Variants in KPNA6 observed in about 807,000 individuals in gnomAD.
KPNA6 encodes karyopherin subunit alpha 6, also known as importin subunit alpha-7.
KPNA6 carries 9 observed loss-of-function variants against 72.0 expected under a neutral mutation model. The ratio of observed to expected loss-of-function variants is 0.13; its 90% CI spans 0.08 to 0.22. KPNA6 has a LOEUF of 0.22. Ranked by LOEUF, KPNA6 falls within the 10% of genes least tolerant of loss-of-function variation. The pLI, the probability that KPNA6 is intolerant of heterozygous loss-of-function variation, is 1.00. For missense variants in KPNA6, 374 were observed against 655.7 expected (o/e 0.57, Z 4.69); for synonymous variants, 219 against 242.1 (o/e 0.90, Z 0.89).
At chr1:32,152,795 A>C (rs568856028) in intron 1 of KPNA6, among the ~76,000 whole-genome samples, 8 of 152,010 alleles carry the variant, frequency 5.3e-5, no homozygotes, top group African/African-American at 1.7e-4. Context: ...CAGTGAGCCG[A>C]GATGGCGCCA....
chr1:32,143,572 T>TA (rs1304994281), intron 1 of KPNA6, among the ~76,000 whole-genome samples: 2,510 of 104,090 alleles, frequency 0.024, 47 homozygotes, highest in African/African-American at 0.054. Flanking sequence ...GATTCTGTCT[T>TA]AAAAAAAAAA....
At chr1:32,121,240 TGGTA>T (rs1333939813) in intron 1 of KPNA6, among the ~76,000 whole-genome samples, 3 of 152,074 alleles carry the variant, frequency 2.0e-5, no homozygotes, top group African/African-American at 7.2e-5. Flanking sequence ...GAGATGGTAA[TGGTA>T]GGGAATAAGA....
intron 1 of KPNA6, among the ~76,000 whole-genome samples, chr1:32,128,156 A>G (rs182073911): frequency 3.7e-4 from 56 of 151,830 alleles, no homozygotes; most frequent in Admixed American, 2.6e-3. Flanking sequence ...TTCTATTTCA[A>G]ATGAGATCGC....
intron 2 of KPNA6, among the ~76,000 whole-genome samples, chr1:32,155,327 T>C (rs1158412324): frequency 1.5e-5 from 2 of 136,542 alleles, no homozygotes. Flanking sequence ...TTTTTTTTTC[T>C]TTTTTTTTTT....
intron 1 of KPNA6, among the ~76,000 whole-genome samples, chr1:32,136,341 T>G (rs898447983): frequency 1.3e-5 from 2 of 152,056 alleles, no homozygotes; most frequent in South Asian, 4.1e-4. Flanking sequence ...TGGCTAATTT[T>G]TTTTGTATTT....
At chr1:32,162,093 T>C in intron 8 of KPNA6, 47 bp downstream of exon 8, 1 of 1,464,646 alleles carries the variant, frequency 6.8e-7, no homozygotes, top group Non-Finnish European at 9.5e-7. Flanking sequence ...GGTTCCTTCA[T>C]ATGGAGTTTT....
At chr1:32,142,254 TCA>T (rs1491551701) in intron 1 of KPNA6, among the ~76,000 whole-genome samples, 17 of 53,312 alleles carry the variant, frequency 3.2e-4, no homozygotes, top group South Asian at 1.8e-3. Context: ...AGACCCTGTC[TCA>T]AAAAAAAAAA....
At chr1:32,119,928 A>G (rs767970064) in intron 1 of KPNA6, among the ~76,000 whole-genome samples, 1 of 151,670 alleles carries the variant, frequency 6.6e-6, no homozygotes, top group South Asian at 2.1e-4. Context: ...TAATTTTAGT[A>G]GACTTCACCA....
chr1:32,157,366 G>A lies in KPNA6; in HGVS notation c.252G>A (p.Glu84=), dbSNP rs767345335. 1 of 1,613,944 alleles carries A rather than the reference G, an allele frequency of 6.2e-7. No individual in the cohort carries two copies. The highest frequency in any genetic ancestry group is 1.1e-5 in the South Asian group (1 of 91,068). Residue 84 remains glutamate (E), a synonymous_variant, in exon 4 of 14, where the codon GAG becomes GAA. Transcript: ENST00000373625. ...TCTAGGAGAGTGTGATCACAAGAGA[G>A]ATGGTGGAGATGCTCTTTTCTGATG... The part of the protein sequence containing the change: ...STTGESVITR[E]MVEMLFSDDS...
chr1:32,137,284 C>T (rs574122282), intron 1 of KPNA6, among the ~76,000 whole-genome samples: 6 of 152,262 alleles, frequency 3.9e-5, no homozygotes, highest in South Asian at 2.1e-4. Flanking sequence ...AGCAATCCTC[C>T]GAGCTCAGCC....
At chr1:32,154,520 T>C in intron 1 of KPNA6, 68 bp from the exon 2 acceptor site, 3 of 1,555,676 alleles carry the variant, frequency 1.9e-6, no homozygotes, top group Non-Finnish European at 1.8e-6. Flanking sequence ...TGGGTAGGGA[T>C]AGAAGTCTAG....
At chr1:32,168,840 A>G (rs1384065183) in intron 12 of KPNA6, among the ~76,000 whole-genome samples, 1 of 152,186 alleles carries the variant, frequency 6.6e-6, no homozygotes, top group African/African-American at 2.4e-5. Flanking sequence ...TTGTGGTATT[A>G]TGGTATTGTT....
intron 5 of KPNA6, 72 bp from the exon 6 acceptor site, chr1:32,159,328 T>A (rs1314395333): frequency 6.5e-7 from 1 of 1,538,772 alleles, no homozygotes; most frequent in East Asian, 2.3e-5. Flanking sequence ...GGCTTACTGT[T>A]CTGAGCCAGC....
At chr1:32,136,202 G>GT (rs1478788487) in intron 1 of KPNA6, among the ~76,000 whole-genome samples, 1 of 116,942 alleles carries the variant, frequency 8.6e-6, no homozygotes, top group Non-Finnish European at 1.7e-5. Context: ...TTGAGATGGA[G>GT]TTTCACTCTT....
At position 32,119,017 on chromosome 1, in the gene KPNA6, TATATATATATATATA is replaced by T. The variant is rs1161614185; in HGVS notation, c.4+10884_4+10898del. 1.0e-3 allele frequency among the ~76,000 whole-genome samples: 79 copies of T among 77,402 alleles called. 1 individual carries two copies. Among genetic ancestry groups the T allele is most frequent in the East Asian group, 2.6e-3 (7 of 2,724 alleles). The allele number at this position is 77,402 out of a possible 152,430, so 50.8% of individuals were successfully genotyped here. On this transcript the variant is annotated intron_variant, in intron 1 of 13. Transcript: ENST00000373625. ...GTATACATATATATATATATATATA[TATATATATATATATA>T]TTTTTTTTTTTTTTTTTGAGAGAGA...
rs139593551 is a variant in KPNA6 at position 32,133,625 on chromosome 1, G to C, written c.5-20963G>C. Reference sequence around the variant, plus strand: ...AAGATTGCCTCACAAGGTCTAGGCTGCAGGGAGTTGATTGCACTACTGCAT... The same window carrying C: ...AAGATTGCCTCACAAGGTCTAGGCTCCAGGGAGTTGATTGCACTACTGCAT... On this transcript the variant is annotated intron_variant, in intron 1 of 13. Transcript: ENST00000373625. Among the ~76,000 whole-genome samples the C allele has an allele frequency of 4.6e-5, 7 of 152,094 alleles. No individual in the cohort carries two copies. In the East Asian group the frequency reaches 1.4e-3, roughly 29 times the overall value.
At chr1:32,129,434 G>C (rs886070951) in intron 1 of KPNA6, among the ~76,000 whole-genome samples, 1 of 151,994 alleles carries the variant, frequency 6.6e-6, no homozygotes, top group Non-Finnish European at 1.5e-5. Context: ...GGTTGTTTTT[G>C]TTTTTCCTTT....
chr1:32,126,881 A>G (rs1246878474), intron 1 of KPNA6, among the ~76,000 whole-genome samples: 1 of 152,150 alleles, frequency 6.6e-6, no homozygotes, highest in African/African-American at 2.4e-5. Flanking sequence ...TGAGTGTTGG[A>G]AGGAAAAGGA....
chr1:32,167,106 G>C, intron 11 of KPNA6, 63 bp from the exon 12 acceptor site: 5 of 1,587,430 alleles, frequency 3.1e-6, no homozygotes, highest in Non-Finnish European at 4.3e-6. Context: ...TTGGGGACTA[G>C]ATTTATTTAT....
Sources: allele counts gnomAD v4.1 joint callset (sites outside exome capture counted in the v4.1 genomes callset), GRCh38; gene constraint gnomAD v4.1.1; transcripts MANE v1.5; gene names NCBI Gene and HGNC (gene_info 2026-07-23, HGNC 2026-07-21).